SPIRE1: variants seen among roughly 807,000 people sequenced by gnomAD.
SPIRE1 encodes protein spire homolog 1.
A neutral mutation model predicts 94.1 loss-of-function variants in SPIRE1; 40 were observed. That is an observed-to-expected ratio of 0.43 (90% CI 0.33 to 0.55). The LOEUF is 0.55. Among genes scored for constraint, SPIRE1 ranks in the 20% least tolerant of loss-of-function variants. SPIRE1 has a pLI of 0.06. For missense variants in SPIRE1, 838 were observed against 975.2 expected (o/e 0.86, Z 1.87); for synonymous variants, 376 against 371.7 (o/e 1.01, Z -0.13).
At chr18:12,614,880 A>C (rs1437198555) in intron 2 of SPIRE1, among the ~76,000 whole-genome samples, 5 of 151,374 alleles carry the variant, frequency 3.3e-5, no homozygotes, top group Non-Finnish European at 5.9e-5. Flanking sequence ...TTTAACTTTG[A>C]TCTTCACATA....
intron 1 of SPIRE1, among the ~76,000 whole-genome samples, chr18:12,648,024 A>G (rs982788192): frequency 6.6e-6 from 1 of 152,204 alleles, no homozygotes; most frequent in African/African-American, 2.4e-5. Context: ...AGCGGGAACA[A>G]TCTGAGCAAC....
At chr18:12,480,376 A>G (rs1159982574) in intron 9 of SPIRE1, among the ~76,000 whole-genome samples, 3 of 152,206 alleles carry the variant, frequency 2.0e-5, no homozygotes, top group Non-Finnish European at 4.4e-5. Flanking sequence ...AGTCTGATTT[A>G]TATTATTAAG....
At chr18:12,604,221 T>C (rs1456459625) in intron 2 of SPIRE1, among the ~76,000 whole-genome samples, 3 of 152,144 alleles carry the variant, frequency 2.0e-5, no homozygotes, top group African/African-American at 7.2e-5. Context: ...GAGAACCTAT[T>C]ACTTGCGATT....
intron 6 of SPIRE1, among the ~76,000 whole-genome samples, chr18:12,501,761 G>C (rs916435562): frequency 2.6e-5 from 4 of 152,172 alleles, no homozygotes; most frequent in African/African-American, 7.2e-5. Flanking sequence ...AGGAGTTCAA[G>C]ACCAGCCTGG....
At chr18:12,466,661 G>T (rs1568187736) in intron 10 of SPIRE1, among the ~76,000 whole-genome samples, 1 of 152,052 alleles carries the variant, frequency 6.6e-6, no homozygotes, top group Non-Finnish European at 1.5e-5. Flanking sequence ...AAAATTTTTT[G>T]ATGTTCTTAG....
intron 2 of SPIRE1, among the ~76,000 whole-genome samples, chr18:12,625,775 G>C (rs377624103): frequency 2.9e-4 from 44 of 152,316 alleles, no homozygotes; most frequent in African/African-American, 1.0e-3. Context: ...GGGCATGGTA[G>C]CTCATGCCTG....
At chr18:12,544,263 G>A (rs1442494019) in intron 3 of SPIRE1, among the ~76,000 whole-genome samples, 5 of 149,772 alleles carry the variant, frequency 3.3e-5, no homozygotes, top group South Asian at 4.2e-4. Flanking sequence ...GCAGTGGTGT[G>A]CTCTCAGCTC....
chr18:12,650,967 G>C (rs113206760), intron 1 of SPIRE1, among the ~76,000 whole-genome samples: 29 of 152,020 alleles, frequency 1.9e-4, no homozygotes, highest in African/African-American at 1.2e-4. Flanking sequence ...TACTGTTAAG[G>C]CTCCTCCCAC....
chr18:12,634,242 C>G (rs558984734), intron 2 of SPIRE1, among the ~76,000 whole-genome samples: 1 of 130,500 alleles, frequency 7.7e-6, no homozygotes, highest in African/African-American at 2.7e-5. Context: ...AGCGAGACTC[C>G]GTCTAAAAAT....
At chr18:12,455,149 G>A (rs534155954) in intron 12 of SPIRE1, among the ~76,000 whole-genome samples, 1 of 152,066 alleles carries the variant, frequency 6.6e-6, no homozygotes, top group South Asian at 2.1e-4. Context: ...TGTTGCCCAG[G>A]CTGGTCTTGA....
chr18:12,466,908 T>G (rs1483846307), intron 10 of SPIRE1, among the ~76,000 whole-genome samples: 1 of 152,040 alleles, frequency 6.6e-6, no homozygotes, highest in Non-Finnish European at 1.5e-5. Flanking sequence ...ATCATTAGTT[T>G]CAAGTAAGCT....
intron 2 of SPIRE1, among the ~76,000 whole-genome samples, chr18:12,557,337 G>A (rs1567932191): frequency 6.6e-6 from 1 of 152,198 alleles, no homozygotes. Context: ...TTTGAGTGCA[G>A]GCAGGCCGAC....
At chr18:12,506,419 A>G in intron 6 of SPIRE1, 58 bp downstream of exon 6, 2 of 1,532,520 alleles carry the variant, frequency 1.3e-6, no homozygotes, top group Admixed American at 1.7e-5. Context: ...TCGACCTCCC[A>G]AAGTGCTGGG....
chr18:12,460,600 T>C (rs1256357299), intron 12 of SPIRE1, among the ~76,000 whole-genome samples: 2 of 151,850 alleles, frequency 1.3e-5, no homozygotes, highest in Non-Finnish European at 2.9e-5. Context: ...TAATCCCAAC[T>C]ACTTGGGAGG....
intron 9 of SPIRE1, among the ~76,000 whole-genome samples, chr18:12,484,467 T>C (rs1306015003): frequency 6.8e-6 from 1 of 146,222 alleles, no homozygotes; most frequent in African/African-American, 2.5e-5. Context: ...CAGTCATGCC[T>C]GAGACCTACA....
chr18:12,462,145 G>A (rs999365146), intron 12 of SPIRE1, among the ~76,000 whole-genome samples: 4 of 152,026 alleles, frequency 2.6e-5, no homozygotes, highest in Admixed American at 2.0e-4. Context: ...ATCAGGAATC[G>A]CCATAAAATC....
In SPIRE1 at chr18:12,473,893, G is replaced by A. The variant is rs937781815; in HGVS notation, c.1404+5806C>T. On this transcript the variant is annotated intron_variant, in intron 10 of 16. Transcript: ENST00000409402. ...CATCAAATGAAAACTCTGCAGGGGA[G>A]CACAGCTGATATTGTGGAATGGTGG... Among the ~76,000 whole-genome samples the A allele has an allele frequency of 8.5e-5, 13 of 152,354 alleles. No individual in the cohort carries two copies. In the Middle Eastern group the frequency reaches 0.01, roughly 120 times the overall value.
In SPIRE1 at chr18:12,635,097, C is replaced by T; in HGVS notation, c.338-1G>A. ...ATACATTGTGAATATCCCAATTTAC[C>T]TGTAATAAAAATGAAAAGGATTACT... On this transcript the variant is annotated splice_acceptor_variant, in intron 1 of 16. Transcript: ENST00000409402. LOFTEE classifies it high-confidence loss of function. 1 of 1,391,582 alleles carries T rather than the reference C, an allele frequency of 7.2e-7. No individual in the cohort carries two copies. Among genetic ancestry groups the T allele is most frequent in the Non-Finnish European group, 9.9e-7 (1 of 1,013,094 alleles). 86.2% of individuals were successfully genotyped at this position (1,391,582 alleles called of 1,614,324 possible).
At chr18:12,486,513 T>C (rs1162659161) in intron 8 of SPIRE1, among the ~76,000 whole-genome samples, 3 of 152,172 alleles carry the variant, frequency 2.0e-5, no homozygotes, top group Non-Finnish European at 4.4e-5. Flanking sequence ...GTTAATAAAC[T>C]ATCTATTGTA....
Sources: gnomAD v4.1 joint callset for allele counts (sites outside exome capture counted in the v4.1 genomes callset) on GRCh38, gnomAD v4.1.1 for gene constraint, MANE v1.5 for transcripts, NCBI Gene and HGNC (gene_info 2026-07-23, HGNC 2026-07-21) for gene names.